STARD13: variants seen among roughly 807,000 people sequenced by gnomAD.
STARD13 encodes the protein StAR related lipid transfer domain containing 13.
A neutral mutation model predicts 106.4 loss-of-function variants in STARD13; 62 were observed. The ratio of observed to expected loss-of-function variants is 0.58; its 90% CI spans 0.48 to 0.72. STARD13 has a LOEUF of 0.72. Ranked by LOEUF, STARD13 falls within the 30% of genes least tolerant of loss-of-function variation. The probability of loss-of-function intolerance (pLI) is 0.00; values close to 1 mark genes in which losing one functional copy is unlikely to be tolerated. For synonymous variants in STARD13, 565 were observed against 553.0 expected, an observed-to-expected ratio of 1.02 and a Z score of -0.31; for missense variants, 1,387 against 1,424.0, an observed-to-expected ratio of 0.97 and a Z score of 0.42.
chr13:33,645,729 G>A, the STARD13 span, among the ~76,000 whole-genome samples: 422 of 152,286 alleles, frequency 2.8e-3, 1 homozygote, highest in African/African-American at 9.3e-3. Flanking sequence ...AAAGATAGAA[G>A]CAAGTGGCTT....
Position 33,129,497 on chromosome 13 carries a change from C to T in STARD13, c.1180G>A (p.Val394Met). Residue 394 changes from valine to methionine, a missense_variant, in exon 5 of 14, where the codon GTG becomes ATG. Val to Met is a conservative substitution (Grantham distance 21). Transcript: ENST00000336934. ...MHEFHSQENL[V>M]VHIPKDHKPG... is the part of the protein sequence containing the mutation. ...TTGTGATCCTTGGGAATATGCACCACCAAATTCTCTTGGGAGTGAAATTCA... is the reference window on the plus strand; with the variant it reads ...TTGTGATCCTTGGGAATATGCACCATCAAATTCTCTTGGGAGTGAAATTCA... 6.2e-7 allele frequency: 1 copy of T among 1,614,220 alleles called. No homozygotes were observed. Among genetic ancestry groups the T allele is most frequent in the Non-Finnish European group, 8.5e-7 (1 of 1,180,044 alleles).
chr13:33,649,221 G>A, the STARD13 span, among the ~76,000 whole-genome samples: 2 of 152,124 alleles, frequency 1.3e-5, no homozygotes, highest in African/African-American at 4.8e-5. Context: ...TTTGGCCCAG[G>A]TTAGCTAACA....
At chr13:33,627,936 T>C in the STARD13 span, among the ~76,000 whole-genome samples, 1 of 152,002 alleles carries the variant, frequency 6.6e-6, no homozygotes, top group Admixed American at 6.6e-5. Flanking sequence ...AGATTTACTT[T>C]GCGTAATTTT....
intron 1 of STARD13, among the ~76,000 whole-genome samples, chr13:33,267,436 T>C (rs149216077): frequency 6.9e-4 from 105 of 152,242 alleles, no homozygotes; most frequent in African/African-American, 2.3e-3. Flanking sequence ...AACCTTCCAT[T>C]GTGCCTCCAC....
the STARD13 span, among the ~76,000 whole-genome samples, chr13:33,672,470 A>G: frequency 1.3e-5 from 2 of 152,200 alleles, no homozygotes; most frequent in African/African-American, 4.8e-5. Flanking sequence ...ACCATGGCAC[A>G]TGTATTCCTA....
chr13:33,594,067 C>T, the STARD13 span, among the ~76,000 whole-genome samples: 9 of 151,964 alleles, frequency 5.9e-5, no homozygotes, highest in South Asian at 6.3e-4. Context: ...CCACCATGCC[C>T]GGCTAATTTT....
the STARD13 span, among the ~76,000 whole-genome samples, chr13:33,629,357 T>A: frequency 1.3e-5 from 2 of 152,332 alleles, no homozygotes; most frequent in Admixed American, 6.5e-5. Context: ...TGTGTCTCCA[T>A]TTAAACTTAT....
chr13:33,412,932 T>C, the STARD13 span, among the ~76,000 whole-genome samples: 1 of 152,120 alleles, frequency 6.6e-6, no homozygotes, highest in Non-Finnish European at 1.5e-5. Context: ...ATAGAAGAAC[T>C]CAACAGCACC....
chr13:33,150,182 G>C (rs1881087555), intron 3 of STARD13, among the ~76,000 whole-genome samples: 1 of 152,136 alleles, frequency 6.6e-6, no homozygotes, highest in Admixed American at 6.5e-5. Context: ...TGTTCATATA[G>C]GTCCAATCAG....
chr13:33,670,653 A>G, the STARD13 span, among the ~76,000 whole-genome samples: 1 of 152,232 alleles, frequency 6.6e-6, no homozygotes, highest in East Asian at 1.9e-4. Flanking sequence ...TCAGAAATTT[A>G]CTAAACGTGC....
intron 1 of STARD13, among the ~76,000 whole-genome samples, chr13:33,195,764 CAT>C (rs747661083): frequency 6.6e-6 from 1 of 152,288 alleles, no homozygotes; most frequent in East Asian, 1.9e-4. Flanking sequence ...TGGGAAAGAT[CAT>C]ATGTTTCAAA....
At chr13:33,598,617 A>G in the STARD13 span, among the ~76,000 whole-genome samples, 5 of 152,276 alleles carry the variant, frequency 3.3e-5, no homozygotes, top group Non-Finnish European at 5.9e-5. Context: ...CCATTTTAAT[A>G]TTAATACAAC....
At position 33,308,520 on chromosome 13, in the gene STARD13, C is replaced by CTTTTTTTTTTT. The variant is rs552526416; in HGVS notation, c.124+41759_124+41769dup. ...TCCTTTTTTCTTTTTCTTTTTCTTT[C>CTTTTTTTTTTT]TTTTTTTTTTTTTTTTTTTTGAGTT... On this transcript the variant is annotated intron_variant, in intron 1 of 5. Coordinates refer to the STARD13 transcript ENST00000567873. 2.8e-3 allele frequency among the ~76,000 whole-genome samples: 249 copies of CTTTTTTTTTTT among 88,546 alleles called. 1 individual carries two copies. Among genetic ancestry groups the CTTTTTTTTTTT allele is most frequent in the Non-Finnish European group, 3.4e-3 (158 of 47,164 alleles). The allele number at this position is 88,546 out of a possible 152,430, so 58.1% of individuals were successfully genotyped here.
intron 1 of STARD13, among the ~76,000 whole-genome samples, chr13:33,329,703 TC>T (rs2077815369): frequency 6.6e-6 from 1 of 150,942 alleles, no homozygotes; most frequent in Admixed American, 6.6e-5. Flanking sequence ...TCACTTTCTT[TC>T]TTTTTTTTTT....
chr13:33,588,133 G>T, the STARD13 span, among the ~76,000 whole-genome samples: 1 of 152,000 alleles, frequency 6.6e-6, no homozygotes, highest in Non-Finnish European at 1.5e-5. Context: ...CATCTTGCTG[G>T]CTATGCAGTG....
At chr13:33,575,489 C>G in the STARD13 span, among the ~76,000 whole-genome samples, 3 of 152,122 alleles carry the variant, frequency 2.0e-5, no homozygotes, top group Non-Finnish European at 4.4e-5. Context: ...CATGTTGAAA[C>G]TTGATTTCTG....
the STARD13 span, among the ~76,000 whole-genome samples, chr13:33,609,765 A>G: frequency 2.0e-5 from 3 of 151,856 alleles, no homozygotes; most frequent in Non-Finnish European, 2.9e-5. Context: ...ACGTGGTTTC[A>G]CCGTGTTAGC....
chr13:33,511,294 C>T, the STARD13 span: 1 of 149,556 alleles, frequency 6.7e-6, no homozygotes. Flanking sequence ...GCCTGGACAA[C>T]ACAGCAAGAC....
At chr13:33,360,726 A>ATTCCTTCTGTCTAGACAGAAGGATTC in the STARD13 span, among the ~76,000 whole-genome samples, 1 of 134,638 alleles carries the variant, frequency 7.4e-6, no homozygotes, top group African/African-American at 2.7e-5. Context: ...AGACAGAAGG[A>ATTCCTTCTGTCTAGACAGAAGGATTC]CATATTGTTG....
Sources: allele counts gnomAD v4.1 joint callset (sites outside exome capture counted in the v4.1 genomes callset), GRCh38; gene constraint gnomAD v4.1.1; transcripts MANE v1.5; gene names NCBI Gene and HGNC (gene_info 2026-07-23, HGNC 2026-07-21).